Variants in VPS41 observed in about 807,000 individuals in gnomAD.
VPS41 encodes the protein VPS41 subunit of HOPS complex.
In VPS41, 85 loss-of-function variants were observed where a neutral mutation model predicts 130.9. The observed-to-expected ratio is 0.65, with a 90% CI of 0.55 to 0.78. The LOEUF is 0.78. Ranked by LOEUF, VPS41 falls within the 30% of genes least tolerant of loss-of-function variation. The pLI, the probability that VPS41 is intolerant of heterozygous loss-of-function variation, is 0.00. For synonymous variants in VPS41, 335 were observed against 332.9 expected, an observed-to-expected ratio of 1.01 and a Z score of -0.07; for missense variants, 874 against 1,018.7, an observed-to-expected ratio of 0.86 and a Z score of 1.93.
intron 1 of VPS41, among the ~76,000 whole-genome samples, chr7:38,907,360 G>C (rs2116470165): frequency 6.6e-6 from 1 of 152,342 alleles, no homozygotes; most frequent in Non-Finnish European, 1.5e-5. Flanking sequence ...AAGGAGAGTA[G>C]TGGGAAAAAT....
intron 4 of VPS41, among the ~76,000 whole-genome samples, chr7:38,847,704 T>A (rs1785757586): frequency 1.3e-5 from 2 of 152,112 alleles, no homozygotes; most frequent in Non-Finnish European, 2.9e-5. Context: ...CCCATAAATA[T>A]CCCTGTTTAA....
At chr7:38,768,402 C>CAA (rs565417910) in intron 14 of VPS41, among the ~76,000 whole-genome samples, 13 of 142,208 alleles carry the variant, frequency 9.1e-5, no homozygotes, top group Admixed American at 2.8e-4. Context: ...TCTTGGATGG[C>CAA]AAAAAAAAAA....
intron 7 of VPS41, among the ~76,000 whole-genome samples, 179 bp downstream of exon 7, chr7:38,817,638 G>A (rs2116101114): frequency 6.6e-6 from 1 of 152,266 alleles, no homozygotes; most frequent in Admixed American, 6.5e-5. Flanking sequence ...GCAATGTAGT[G>A]AGAAACACTG....
At chr7:38,817,748 A>G in intron 7 of VPS41, 69 bp downstream of exon 7, 3 of 1,269,458 alleles carry the variant, frequency 2.4e-6, no homozygotes, top group Non-Finnish European at 3.5e-6. Flanking sequence ...AACATTAAGG[A>G]TAAATTACAG....
At chr7:38,740,030 G>T (rs1052344136) in intron 25 of VPS41, among the ~76,000 whole-genome samples, 1 of 152,130 alleles carries the variant, frequency 6.6e-6, no homozygotes. Flanking sequence ...CCATGAGCTT[G>T]GTTCTCTGGA....
At chr7:38,745,122 G>A (rs1484544568) in intron 23 of VPS41, among the ~76,000 whole-genome samples, 2 of 152,144 alleles carry the variant, frequency 1.3e-5, no homozygotes, top group African/African-American at 4.8e-5. Flanking sequence ...CTGACACCTA[G>A]ATTATATTAA....
intron 17 of VPS41, 49 bp from the exon 18 acceptor site, chr7:38,758,530 T>C (rs745548282): frequency 1.3e-6 from 2 of 1,565,778 alleles, no homozygotes; most frequent in East Asian, 2.3e-5. Context: ...AACAGAATAA[T>C]AGTTGTGATA....
chr7:38,840,972 C>T (rs1785597053), intron 4 of VPS41, among the ~76,000 whole-genome samples: 1 of 152,276 alleles, frequency 6.6e-6, no homozygotes, highest in African/African-American at 2.4e-5. Flanking sequence ...GCTCTCCTGC[C>T]CCAGAACAGC....
intron 25 of VPS41, among the ~76,000 whole-genome samples, chr7:38,729,027 C>T (rs962776656): frequency 4.6e-5 from 7 of 152,164 alleles, no homozygotes; most frequent in Admixed American, 2.6e-4. Context: ...CAACCATACA[C>T]GGGCTCCTGT....
intron 2 of VPS41, among the ~76,000 whole-genome samples, chr7:38,891,557 T>A (rs919330607): frequency 6.6e-6 from 1 of 152,238 alleles, no homozygotes; most frequent in African/African-American, 2.4e-5. Context: ...ACATGGCAGA[T>A]ACACACATAA....
At chr7:38,892,127 AT>A (rs1250873406) in intron 2 of VPS41, among the ~76,000 whole-genome samples, 11 of 152,092 alleles carry the variant, frequency 7.2e-5, no homozygotes, top group Admixed American at 2.0e-4. Context: ...TTACCCAAAA[AT>A]CTCATTATTA....
intron 10 of VPS41, among the ~76,000 whole-genome samples, chr7:38,784,715 C>A (rs1784408608): frequency 6.6e-6 from 1 of 152,118 alleles, no homozygotes; most frequent in Non-Finnish European, 1.5e-5. Context: ...AGATTCAAAG[C>A]ACACTGCAGT....
At chr7:38,834,628 A>T (rs777326047) in intron 4 of VPS41, among the ~76,000 whole-genome samples, 1 of 152,178 alleles carries the variant, frequency 6.6e-6, no homozygotes. Context: ...GACTGTTAGC[A>T]TGGTGATGAT....
intron 1 of VPS41, among the ~76,000 whole-genome samples, chr7:38,899,985 C>T (rs142786993): frequency 9.8e-4 from 149 of 152,270 alleles, no homozygotes; most frequent in African/African-American, 3.0e-3. Context: ...CAGTGGCTCA[C>T]GCCCGTAATC....
At chr7:38,779,510 G>A (rs1043539907) in intron 10 of VPS41, among the ~76,000 whole-genome samples, 3 of 152,090 alleles carry the variant, frequency 2.0e-5, no homozygotes, top group Non-Finnish European at 4.4e-5. Flanking sequence ...CACTGGTAAT[G>A]ATATCATGCA....
Position 38,724,236 on chromosome 7 carries a change from A to C in VPS41, c.*2010T>G, listed in dbSNP as rs1795492459. 1 of 152,260 alleles carries C rather than the reference A, an allele frequency of 6.6e-6. No homozygotes were observed. Among genetic ancestry groups the C allele is most frequent in the Non-Finnish European group, 1.5e-5 (1 of 68,046 alleles). The allele number at this position is 152,260 out of a possible 1,614,324, so 9.4% of individuals were successfully genotyped here. ...GCAAAATGACTTCACTGAAATTAGC[A>C]AATCCTATTGATGATCTTAAAGTAA... On this transcript the variant is annotated 3_prime_UTR_variant, in exon 29 of 29. Transcript: ENST00000310301.
rs1052849645 is a variant in VPS41 at position 38,796,451 on chromosome 7, T to C, written c.570+294A>G. ...AGGCAAATGATATTTTCAAGACCCA[T>C]TCCCAATGCAGTCCTTCAATTATTA... On this transcript the variant is annotated intron_variant, in intron 8 of 28. Transcript: ENST00000310301. The C allele has an allele frequency of 1.8e-5, 9 of 511,604 alleles. No individual in the cohort carries two copies. In the East Asian group the frequency reaches 4.7e-4, roughly 27 times the overall value. The allele number at this position is 511,604 out of a possible 1,614,324, so 31.7% of individuals were successfully genotyped here.
At position 38,742,069 on chromosome 7, in the gene VPS41, T is replaced by G. The variant is rs768767497; in HGVS notation, c.2175A>C (p.Leu725=). The change falls in exon 25 of 29, where the codon CTA becomes CTC. Residue 725 remains leucine (L), a synonymous_variant. Coordinates refer to ENST00000310301, the MANE Select transcript of VPS41 (RefSeq NM_014396.4). ...NNIGTHVDPI[L]LIHRIKEGME... Reference sequence around the variant, plus strand: ...TTCCTTCCTTAATACGGTGAATCAGTAGAATTGGGTCAACATGTGTGCCAA... The same window carrying G: ...TTCCTTCCTTAATACGGTGAATCAGGAGAATTGGGTCAACATGTGTGCCAA... 6.2e-7 allele frequency: 1 copy of G among 1,613,188 alleles called. No individual in the cohort carries two copies. The highest frequency in any genetic ancestry group is 2.2e-5 in the East Asian group (1 of 44,772).
At chr7:38,733,470 G>A (rs1197121747) in intron 25 of VPS41, among the ~76,000 whole-genome samples, 1 of 152,108 alleles carries the variant, frequency 6.6e-6, no homozygotes, top group African/African-American at 2.4e-5. Flanking sequence ...TTTCCTGAAG[G>A]TTTATAGACT....
Sources: allele counts gnomAD v4.1 joint callset (sites outside exome capture counted in the v4.1 genomes callset), GRCh38; gene constraint gnomAD v4.1.1; transcripts MANE v1.5; gene names NCBI Gene and HGNC (gene_info 2026-07-23, HGNC 2026-07-21).